Variants in CCDC38 observed in about 807,000 individuals in gnomAD.
CCDC38 encodes coiled-coil domain containing 38.
Under a neutral mutation model 72.8 loss-of-function variants are expected in CCDC38, and 69 were observed. That is an observed-to-expected ratio of 0.95 (90% CI 0.78 to 1.16). The LOEUF is 1.16. CCDC38 is among the 50% of genes most tolerant of loss of function. The pLI, the probability that CCDC38 is intolerant of heterozygous loss-of-function variation, is 0.00. For synonymous variants in CCDC38, 201 were observed against 213.2 expected (o/e 0.94, Z 0.50); for missense variants, 626 against 638.9 (o/e 0.98, Z 0.22).
rs1203064270 is a variant in CCDC38, at chr12:95,917,211, T to C, written c.222A>G (p.Gln74=). The change falls in exon 4 of 16, where the codon CAA becomes CAG. Residue 74 remains glutamine (Q), a synonymous_variant. Transcript: ENST00000344280. ...SRMKSHSYLS[Q]LAFYPKRSGR... ...CACTCCTTTTAGGGTAGAAAGCTAG[T>C]TGGCTCAGGTATGAATGACTCTTCA... is the stretch of plus-strand genomic sequence containing the variant. The C allele has an allele frequency of 6.2e-7, 1 of 1,610,938 alleles. No homozygotes were observed. Among genetic ancestry groups the C allele is most frequent in the South Asian group, 1.1e-5 (1 of 90,316 alleles).
intron 10 of CCDC38, 37 bp from the exon 11 acceptor site, chr12:95,881,591 G>A (rs369881776): frequency 1.9e-5 from 30 of 1,549,440 alleles, no homozygotes; most frequent in Non-Finnish European, 2.4e-5. Flanking sequence ...TGTCTGATTT[G>A]TGAGCCATTT....
chr12:95,882,130 C>G (rs1407985126), intron 10 of CCDC38, among the ~76,000 whole-genome samples: 2 of 152,126 alleles, frequency 1.3e-5, no homozygotes, highest in Non-Finnish European at 2.9e-5. Flanking sequence ...CTGGAAAAAT[C>G]CTGTAAGAAA....
At chr12:95,869,626 A>G in intron 14 of CCDC38, 53 bp from the exon 15 acceptor site, 1 of 1,322,446 alleles carries the variant, frequency 7.6e-7, no homozygotes, top group Non-Finnish European at 1.1e-6. Context: ...ATTGAGTAAG[A>G]AAAGTACATT....
rs1021591436 is a variant in CCDC38 at position 95,869,836 on chromosome 12, T to G, written c.1485-263A>C. The G allele has an allele frequency of 1.3e-5, 4 of 301,676 alleles. No individual in the cohort carries two copies. The Admixed American group carries it at 1.8e-4, about 13-fold the overall frequency. 18.7% of individuals were successfully genotyped at this position (301,676 alleles called of 1,614,324 possible). On this transcript the variant is annotated intron_variant, in intron 14 of 15. Coordinates refer to ENST00000344280, the MANE Select transcript of CCDC38 (RefSeq NM_182496.3). Reference sequence around the variant, plus strand: ...ATCTTGGTCTATTTTTTTTTTTTTTTCCTCAGAGACAGAGTCTCAGTCTGT... The same window carrying G: ...ATCTTGGTCTATTTTTTTTTTTTTTGCCTCAGAGACAGAGTCTCAGTCTGT...
chr12:95,883,209 T>G (rs1565945210), intron 10 of CCDC38, among the ~76,000 whole-genome samples: 1 of 152,214 alleles, frequency 6.6e-6, no homozygotes, highest in East Asian at 1.9e-4. Context: ...GTACCTCTAG[T>G]TTTGTCCTCC....
At chr12:95,922,587 G>A (rs2080220863) in intron 2 of CCDC38, among the ~76,000 whole-genome samples, 1 of 152,218 alleles carries the variant, frequency 6.6e-6, no homozygotes, top group African/African-American at 2.4e-5. Flanking sequence ...AGAGGAACTA[G>A]CCAGGCCGGG....
At chr12:95,928,857 CA>C (rs1172597333) in intron 2 of CCDC38, among the ~76,000 whole-genome samples, 1 of 152,212 alleles carries the variant, frequency 6.6e-6, no homozygotes, top group Non-Finnish European at 1.5e-5. Context: ...GCTCGGGGGT[CA>C]GGGGTCAGGG....
intron 14 of CCDC38, among the ~76,000 whole-genome samples, chr12:95,871,005 G>C (rs1159040790): frequency 6.6e-6 from 1 of 152,192 alleles, no homozygotes; most frequent in Non-Finnish European, 1.5e-5. Flanking sequence ...AGGTCACAAA[G>C]TCATAAATAG....
chr12:95,897,759 T>A (rs927576402), intron 7 of CCDC38, among the ~76,000 whole-genome samples: 4 of 152,182 alleles, frequency 2.6e-5, no homozygotes, highest in East Asian at 1.9e-4. Context: ...CTTAGTTTTT[T>A]ATTTTTATTT....
intron 4 of CCDC38, among the ~76,000 whole-genome samples, chr12:95,913,770 G>T (rs1341279375): frequency 6.6e-6 from 1 of 151,728 alleles, no homozygotes; most frequent in African/African-American, 2.4e-5. Context: ...AATTTCTCAA[G>T]GTTAATAATG....
chr12:95,890,094 C>T (rs1198640546), intron 9 of CCDC38, among the ~76,000 whole-genome samples: 1 of 151,840 alleles, frequency 6.6e-6, no homozygotes, highest in Non-Finnish European at 1.5e-5. Flanking sequence ...GTATTTTTGG[C>T]AGATATGGGT....
At chr12:95,888,374 A>G in intron 10 of CCDC38, 84 bp downstream of exon 10, 2 of 1,201,336 alleles carry the variant, frequency 1.7e-6, no homozygotes, top group South Asian at 2.4e-5. Context: ...GGTACATGAC[A>G]TATATGTTGA....
chr12:95,883,949 T>G (rs954967431), intron 10 of CCDC38, among the ~76,000 whole-genome samples: 2 of 152,196 alleles, frequency 1.3e-5, no homozygotes, highest in African/African-American at 4.8e-5. Flanking sequence ...CTTAACTTGA[T>G]AGAGTATGCA....
At chr12:95,926,801 C>T (rs1333804034) in intron 2 of CCDC38, among the ~76,000 whole-genome samples, 3 of 150,968 alleles carry the variant, frequency 2.0e-5, no homozygotes, top group Non-Finnish European at 4.4e-5. Flanking sequence ...GGTTATGTAC[C>T]CAGTAGTCAT....
chr12:95,917,494 A>C (rs1370874127), intron 3 of CCDC38, among the ~76,000 whole-genome samples, 200 bp from the exon 4 acceptor site: 1 of 152,176 alleles, frequency 6.6e-6, no homozygotes, highest in Non-Finnish European at 1.5e-5. Context: ...CTTTTATTAA[A>C]TATGTACATC....
At chr12:95,892,583 C>CTTTTTTTTTTTTTTTTTTTT (rs577335624) in intron 8 of CCDC38, among the ~76,000 whole-genome samples, 1 of 121,222 alleles carries the variant, frequency 8.2e-6, no homozygotes, top group Non-Finnish European at 1.8e-5. Flanking sequence ...GGCTTAAATT[C>CTTTTTTTTTTTTTTTTTTTT]TTTTTTTTTT....
chr12:95,929,179 G>A (rs2080308247), intron 2 of CCDC38, among the ~76,000 whole-genome samples: 1 of 152,220 alleles, frequency 6.6e-6, no homozygotes, highest in Non-Finnish European at 1.5e-5. Flanking sequence ...TGCCGTGCTA[G>A]CAATCAGCGA....
intron 9 of CCDC38, 27 bp downstream of exon 9, chr12:95,890,805 T>C (rs770162273): frequency 1.8e-5 from 25 of 1,420,206 alleles, no homozygotes; most frequent in Non-Finnish European, 2.5e-5. Flanking sequence ...CAGGTTTTAC[T>C]TTCATGAGTC....
At chr12:95,928,416 T>C (rs1213692029) in intron 2 of CCDC38, among the ~76,000 whole-genome samples, 2 of 152,240 alleles carry the variant, frequency 1.3e-5, no homozygotes, top group African/African-American at 4.8e-5. Context: ...TTCTCTGTAT[T>C]GGTTATTCTA....
Sources: allele counts gnomAD v4.1 joint callset (sites outside exome capture counted in the v4.1 genomes callset), GRCh38; gene constraint gnomAD v4.1.1; transcripts MANE v1.5; gene names NCBI Gene and HGNC (gene_info 2026-07-23, HGNC 2026-07-21).